KCNQ4: variants seen among roughly 807,000 people sequenced by gnomAD.
KCNQ4 encodes the protein potassium voltage-gated channel subfamily Q member 4.
In KCNQ4, 31 loss-of-function variants were observed where a neutral mutation model predicts 72.6. That is an observed-to-expected ratio of 0.43 (90% CI 0.32 to 0.58). The LOEUF (loss-of-function observed/expected upper bound fraction) is 0.58, where lower values mean the gene tolerates loss of function less well. Among genes scored for constraint, KCNQ4 ranks in the 20% least tolerant of loss-of-function variants. KCNQ4 has a pLI of 0.08. For synonymous variants in KCNQ4, 405 were observed against 403.7 expected, an observed-to-expected ratio of 1.00 and a Z score of -0.04; for missense variants, 869 against 962.6, an observed-to-expected ratio of 0.90 and a Z score of 1.29.
At chr1:40,813,068 T>C (rs1288025541) in intron 1 of KCNQ4, among the ~76,000 whole-genome samples, 1 of 151,798 alleles carries the variant, frequency 6.6e-6, no homozygotes, top group Non-Finnish European at 1.5e-5. Flanking sequence ...ATATGTTAGG[T>C]GTGTTCCAGG....
At chr1:40,807,464 C>T (rs1647798321) in intron 1 of KCNQ4, among the ~76,000 whole-genome samples, 1 of 151,008 alleles carries the variant, frequency 6.6e-6, no homozygotes, top group Admixed American at 6.6e-5. Flanking sequence ...GTCACGTGCT[C>T]TTGCTCCCTT....
Position 40,833,103 on chromosome 1 carries a change from C to T in KCNQ4, c.1603C>T (p.Arg535Cys), listed in dbSNP as rs1012161949. The T allele has an allele frequency of 5.0e-6, 8 of 1,610,992 alleles. No individual in the cohort carries two copies. Among genetic ancestry groups the T allele is most frequent in the South Asian group, 2.2e-5 (2 of 91,058 alleles). Residue 535 changes from arginine (R) to cysteine (C), a missense_variant, in exon 11 of 14, where the codon CGC becomes TGC. This residue lies in a region of KCNQ4 where 480 missense variants were observed against 501.9 expected (regional missense o/e 0.96). Transcript: ENST00000347132. ...CATGCCTGCTGTGAAGACAGTCATC[C>T]GCTCCATCAGGTAAGACTGAGGCCT... ...DIMPAVKTVIRSIRILKFLVA... is the reference protein window; with the variant it reads ...DIMPAVKTVICSIRILKFLVA...
chr1:40,831,357 C>T (rs529696262), intron 10 of KCNQ4, 53 bp downstream of exon 10: 8 of 1,448,330 alleles, frequency 5.5e-6, no homozygotes, highest in Admixed American at 2.0e-5. Context: ...GGTGGCAGGG[C>T]GGGGACAGTC....
At chr1:40,810,081 A>G (rs1404666122) in intron 1 of KCNQ4, among the ~76,000 whole-genome samples, 1 of 151,540 alleles carries the variant, frequency 6.6e-6, no homozygotes, top group Non-Finnish European at 1.5e-5. Flanking sequence ...GAACTCTACA[A>G]TGACTCCCCA....
chr1:40,795,446 G>T (rs574020034), intron 1 of KCNQ4, among the ~76,000 whole-genome samples: 30 of 152,098 alleles, frequency 2.0e-4, no homozygotes, highest in African/African-American at 7.0e-4. Context: ...ATTTTTTGTA[G>T]AGAGGGGATC....
At position 40,784,515 on chromosome 1, in the gene KCNQ4, G is replaced by A. The variant is rs1338183208; in HGVS notation, c.314+108G>A. ...CCTTCTACCCCCCTGCCTCAGGGCCGACCCTCATCTCTCTCCCCCCAGGCC... is the reference window on the plus strand; with the variant it reads ...CCTTCTACCCCCCTGCCTCAGGGCCAACCCTCATCTCTCTCCCCCCAGGCC... On this transcript the variant is annotated intron_variant, in intron 1 of 13. Transcript: ENST00000347132. The surrounding 1 kb of genome is among the most constrained non-coding windows in gnomAD (Gnocchi z 4.1). The A allele has an allele frequency of 5.7e-6, 6 of 1,047,350 alleles. No individual in the cohort carries two copies. The highest frequency in any genetic ancestry group is 1.6e-5 in the African/African-American group (1 of 63,876). The allele number at this position is 1,047,350 out of a possible 1,614,324, so 64.9% of individuals were successfully genotyped here. A position where few individuals can be genotyped will look rare whatever the true frequency, so the allele number is the denominator to read the frequency against.
At position 40,838,429 on chromosome 1, in the gene KCNQ4, C is replaced by G. The variant is rs913125224; in HGVS notation, c.1994C>G (p.Thr665Ser). 1.9e-6 allele frequency: 3 copies of G among 1,614,020 alleles called. No homozygotes were observed. The highest frequency in any genetic ancestry group is 2.7e-5 in the African/African-American group (2 of 74,936). ...VQVPLFDPDI[T>S]SDYHSPVDHE... Reference sequence around the variant, plus strand: ...GTGCCGCTGTTCGACCCCGACATCACCTCCGACTACCACAGCCCTGTGGAC... The same window carrying G: ...GTGCCGCTGTTCGACCCCGACATCAGCTCCGACTACCACAGCCCTGTGGAC... Residue 665 changes from threonine (T) to serine (S), a missense_variant, in exon 14 of 14, where the codon ACC becomes AGC. Transcript: ENST00000347132.
Position 40,838,319 on chromosome 1 carries a change from C to T in KCNQ4, c.1884C>T (p.Ser628=). 1.2e-6 allele frequency: 2 copies of T among 1,613,532 alleles called. No individual in the cohort carries two copies. Among genetic ancestry groups the T allele is most frequent in the Non-Finnish European group, 1.7e-6 (2 of 1,179,876 alleles). ...CTGCGCCCCGTCCCCAGGTGCAGTCCATCGAGCACAAGCTGGACCTGCTGT... is the reference window on the plus strand; with the variant it reads ...CTGCGCCCCGTCCCCAGGTGCAGTCTATCGAGCACAAGCTGGACCTGCTGT... ...RVVKVEKQVQ[S]IEHKLDLLLG... Residue 628 remains serine, a synonymous_variant, in exon 14 of 14, where the codon TCC becomes TCT. Coordinates refer to ENST00000347132, the MANE Select transcript of KCNQ4 (RefSeq NM_004700.4).
chr1:40,824,343 T>G, intron 9 of KCNQ4, 85 bp downstream of exon 9: 1 of 1,447,520 alleles, frequency 6.9e-7, no homozygotes, highest in Non-Finnish European at 9.4e-7. Flanking sequence ...CAGACCTGCC[T>G]TCAGCCACTT....
At chr1:40,801,516 A>G (rs2148303556) in intron 1 of KCNQ4, among the ~76,000 whole-genome samples, 1 of 152,312 alleles carries the variant, frequency 6.6e-6, no homozygotes, top group South Asian at 2.1e-4. Flanking sequence ...GAGAACCTAC[A>G]ATGCACCAGG....
intron 9 of KCNQ4, among the ~76,000 whole-genome samples, chr1:40,824,943 G>C (rs1437012703): frequency 2.6e-5 from 4 of 152,180 alleles, no homozygotes; most frequent in Non-Finnish European, 5.9e-5. Context: ...CTTTCCCCTT[G>C]AACTGTCTCT....
At chr1:40,813,755 T>C (rs2148314066) in intron 1 of KCNQ4, among the ~76,000 whole-genome samples, 2 of 150,934 alleles carry the variant, frequency 1.3e-5, no homozygotes, top group Middle Eastern at 3.4e-3. Flanking sequence ...TTTGTTTTTG[T>C]TTTTGTTTTT....
chr1:40,813,759 TG>T (rs1046099003), intron 1 of KCNQ4, among the ~76,000 whole-genome samples: 52 of 151,766 alleles, frequency 3.4e-4, no homozygotes, highest in African/African-American at 1.1e-3. Flanking sequence ...TTTTTGTTTT[TG>T]TTTTTGAGAC....
chr1:40,834,596 TAA>T (rs113990313), intron 11 of KCNQ4, among the ~76,000 whole-genome samples: 6 of 136,782 alleles, frequency 4.4e-5, no homozygotes, highest in African/African-American at 1.3e-4. Flanking sequence ...AAATAAAAAT[TAA>T]AAAAAAAAAA....
chr1:40,827,840 G>A (rs1309424600), intron 9 of KCNQ4, among the ~76,000 whole-genome samples: 1 of 152,102 alleles, frequency 6.6e-6, no homozygotes, highest in Non-Finnish European at 1.5e-5. Context: ...CACTAAAACT[G>A]GACCTGGCTC....
chr1:40,833,833 CAAAAAAAA>C (rs200163500), intron 11 of KCNQ4, among the ~76,000 whole-genome samples: 1 of 100,694 alleles, frequency 9.9e-6, no homozygotes, highest in Non-Finnish European at 2.0e-5. Context: ...CTTGTCTTTG[CAAAAAAAA>C]AAAAAAAAAA....
At chr1:40,830,128 C>G (rs927960) in intron 9 of KCNQ4, among the ~76,000 whole-genome samples, 141,663 of 152,164 alleles carry the variant, frequency 0.93, 66,168 homozygotes, top group East Asian at 1. Flanking sequence ...TAGGCAGTAT[C>G]GGGGGGTAGA....
intron 1 of KCNQ4, among the ~76,000 whole-genome samples, chr1:40,800,691 G>A (rs924898392): frequency 6.6e-6 from 1 of 152,236 alleles, no homozygotes; most frequent in Non-Finnish European, 1.5e-5. Context: ...CTGAGCATCA[G>A]CTGGGGCCAG....
Position 40,817,249 on chromosome 1 carries a change from C to T in KCNQ4, c.315-16C>T, listed in dbSNP as rs13374845. The T allele has an allele frequency of 0.15, 233,336 of 1,608,150 alleles. 17,653 individuals are homozygous for T. The highest frequency in any genetic ancestry group is 0.28 in the East Asian group (12,435 of 44,800). ...CCTCCAACAATCTAACCCTCTCCCTCATGTTGTAATTGCAGATTTTTGCTG... is the reference window on the plus strand; with the variant it reads ...CCTCCAACAATCTAACCCTCTCCCTTATGTTGTAATTGCAGATTTTTGCTG... On this transcript the variant is annotated splice_polypyrimidine_tract_variant and intron_variant, in intron 1 of 13. Transcript: ENST00000347132. This position sits in a 1 kb window ranked among gnomAD's most constrained non-coding sequence, Gnocchi z 5.5.
Sources: allele counts gnomAD v4.1 joint callset (sites outside exome capture counted in the v4.1 genomes callset), GRCh38; gene constraint gnomAD v4.1.1; regional missense constraint gnomAD v4.1.1; non-coding constraint Gnocchi (gnomAD v3.1); transcripts MANE v1.5; gene names NCBI Gene and HGNC (gene_info 2026-07-23, HGNC 2026-07-21).